The following PRR5L variants were observed in gnomAD, a reference collection of about 807,000 sequenced individuals.
PRR5L encodes proline rich 5 like.
In PRR5L, 21 loss-of-function variants were observed where a neutral mutation model predicts 36.4. The ratio of observed to expected loss-of-function variants is 0.58; its 90% CI spans 0.41 to 0.83. The LOEUF is 0.83. Ranked by LOEUF, PRR5L falls within the 40% of genes least tolerant of loss-of-function variation. The pLI, the probability that PRR5L is intolerant of heterozygous loss-of-function variation, is 0.00. For synonymous variants in PRR5L, 188 were observed against 197.0 expected, an observed-to-expected ratio of 0.95 and a Z score of 0.38; for missense variants, 381 against 473.3, an observed-to-expected ratio of 0.80 and a Z score of 1.81.
intron 1 of PRR5L, among the ~76,000 whole-genome samples, chr11:36,372,072 A>AAAAAAT (rs1857203815): frequency 6.6e-6 from 1 of 152,128 alleles, no homozygotes; most frequent in African/African-American, 2.4e-5. Context: ...AAATAAAAAA[A>AAAAAAT]AATAATAATA....
intron 3 of PRR5L, among the ~76,000 whole-genome samples, chr11:36,413,141 T>C (rs530524466): frequency 6.6e-6 from 1 of 152,258 alleles, no homozygotes; most frequent in South Asian, 2.1e-4. Context: ...AGTATATACA[T>C]GGATTGTAGA....
intron 8 of PRR5L, among the ~76,000 whole-genome samples, chr11:36,459,513 C>G (rs1489340209): frequency 1.3e-5 from 2 of 152,196 alleles, no homozygotes; most frequent in African/African-American, 4.8e-5. Context: ...GGCAATGGGG[C>G]TTACCCGGTT....
intron 1 of PRR5L, chr11:36,323,575 A>G (rs1188904035): frequency 2.6e-5 from 4 of 152,236 alleles, no homozygotes; most frequent in Admixed American, 2.6e-4. Flanking sequence ...CATGACATGA[A>G]AAACCTGTCT....
chr11:36,413,409 C>T (rs1015235619), intron 3 of PRR5L, among the ~76,000 whole-genome samples: 39 of 152,104 alleles, frequency 2.6e-4, no homozygotes, highest in African/African-American at 8.7e-4. Flanking sequence ...GGGCTTCTGG[C>T]CATGCTGCGG....
intron 5 of PRR5L, among the ~76,000 whole-genome samples, chr11:36,436,653 A>G (rs1243215660): frequency 1.3e-5 from 2 of 152,232 alleles, no homozygotes; most frequent in Non-Finnish European, 2.9e-5. Context: ...AATAAAGCCA[A>G]TATCTTAATG....
rs952851836 is a variant in PRR5L at position 36,377,399 on chromosome 11, C to G, written c.-125-23598C>G. On this transcript the variant is annotated intron_variant, in intron 1 of 8. Coordinates refer to ENST00000530639, the MANE Select transcript of PRR5L (RefSeq NM_001160167.2). This position sits in a 1 kb window ranked among gnomAD's most constrained non-coding sequence, Gnocchi z 5.1. ...CCGTTTTATTTCTCCCGCCTGCCTT[C>G]CTTTCGGCGAGGCTTTCCTCTGCGC... 1 of 152,292 alleles carries G rather than the reference C, an allele frequency of 6.6e-6. No homozygotes were observed. Among genetic ancestry groups the G allele is most frequent in the Admixed American group, 6.5e-5 (1 of 15,290 alleles). 9.4% of individuals were successfully genotyped at this position (152,292 alleles called of 1,614,324 possible). A position where few individuals can be genotyped will look rare whatever the true frequency, so the allele number is the denominator to read the frequency against.
At chr11:36,403,210 C>T in intron 2 of PRR5L, 88 bp from the exon 3 acceptor site, 1 of 1,084,736 alleles carries the variant, frequency 9.2e-7, no homozygotes, top group Non-Finnish European at 1.4e-6. Flanking sequence ...GCTTCCTGGT[C>T]ACTCCACACA....
intron 1 of PRR5L, among the ~76,000 whole-genome samples, chr11:36,349,540 G>C (rs1478954938): frequency 6.6e-6 from 1 of 152,078 alleles, no homozygotes; most frequent in Non-Finnish European, 1.5e-5. Flanking sequence ...TTGTTCATGG[G>C]AAGGAAGGCG....
rs952550994 is a variant in PRR5L at position 36,463,492 on chromosome 11, T to A, written c.*756T>A. 1.3e-5 allele frequency: 2 copies of A among 152,494 alleles called. No homozygotes were observed. The highest frequency in any genetic ancestry group is 1.3e-4 in the Admixed American group (2 of 15,268). The allele number at this position is 152,494 out of a possible 1,614,324, so 9.4% of individuals were successfully genotyped here. On this transcript the variant is annotated 3_prime_UTR_variant, in exon 9 of 9. Transcript: ENST00000530639. ...CAAGCTCAAGGAACTCACCCCCAGATAAGAAGCTGGTGCCTCTTGTCTCTC... is the reference window on the plus strand; with the variant it reads ...CAAGCTCAAGGAACTCACCCCCAGAAAAGAAGCTGGTGCCTCTTGTCTCTC...
intron 1 of PRR5L, among the ~76,000 whole-genome samples, chr11:36,320,638 G>A (rs1169398996): frequency 6.6e-6 from 1 of 152,216 alleles, no homozygotes; most frequent in Non-Finnish European, 1.5e-5. Flanking sequence ...GTAAGGTGGT[G>A]TACGGATTAG....
chr11:36,359,260 T>C (rs75581849), intron 1 of PRR5L, among the ~76,000 whole-genome samples: 8,537 of 152,292 alleles, frequency 0.056, 284 homozygotes, highest in Middle Eastern at 0.085. Flanking sequence ...TGTTCTGCCA[T>C]TTTAGGTGAA....
At chr11:36,309,830 C>A (rs1038218029) in intron 1 of PRR5L, among the ~76,000 whole-genome samples, 1 of 152,004 alleles carries the variant, frequency 6.6e-6, no homozygotes, top group African/African-American at 2.4e-5. Context: ...CTCAACAAGT[C>A]CACCATAATG....
At chr11:36,400,704 C>A (rs1271306433) in intron 1 of PRR5L, among the ~76,000 whole-genome samples, 1 of 152,226 alleles carries the variant, frequency 6.6e-6, no homozygotes, top group Admixed American at 6.5e-5. Context: ...AGTGCTCAAA[C>A]TGATGGCTGC....
chr11:36,415,815 G>A (rs12287356), intron 3 of PRR5L, among the ~76,000 whole-genome samples: 3,090 of 152,248 alleles, frequency 0.02, 99 homozygotes, highest in African/African-American at 0.071. Flanking sequence ...AAATCAAGGA[G>A]CTATATATTT....
chr11:36,362,237 C>G (rs1857097438), intron 1 of PRR5L: 1 of 151,990 alleles, frequency 6.6e-6, no homozygotes, highest in South Asian at 2.1e-4. Context: ...GTATGGGAAT[C>G]GCATGCTCTC....
chr11:36,307,866 A>G (rs923450116), intron 1 of PRR5L, among the ~76,000 whole-genome samples: 1 of 152,248 alleles, frequency 6.6e-6, no homozygotes, highest in African/African-American at 2.4e-5. Flanking sequence ...GGGGAAGAAG[A>G]GAGGGACAGT....
At chr11:36,435,863 G>A (rs762269256) in intron 5 of PRR5L, among the ~76,000 whole-genome samples, 6 of 152,236 alleles carry the variant, frequency 3.9e-5, no homozygotes, top group South Asian at 2.1e-4. Flanking sequence ...ATCCATTCAC[G>A]CAAAGATTTT....
chr11:36,418,760 C>T (rs542541215), intron 3 of PRR5L, among the ~76,000 whole-genome samples: 1 of 152,082 alleles, frequency 6.6e-6, no homozygotes, highest in Non-Finnish European at 1.5e-5. Flanking sequence ...TGCGCCACTG[C>T]ACTCCAGCCT....
chr11:36,362,116 C>G (rs2133502453), intron 1 of PRR5L: 1 of 150,164 alleles, frequency 6.7e-6, no homozygotes, highest in East Asian at 2.0e-4. Flanking sequence ...TCACCAGAGA[C>G]TCCTGCCTTC....
Sources: gnomAD v4.1 joint callset for allele counts (sites outside exome capture counted in the v4.1 genomes callset) on GRCh38, gnomAD v4.1.1 for gene constraint, Gnocchi (gnomAD v3.1) non-coding constraint, MANE v1.5 for transcripts, NCBI Gene and HGNC (gene_info 2026-07-23, HGNC 2026-07-21) for gene names.